Variants in NCALD observed in about 807,000 individuals in gnomAD.
NCALD encodes neurocalcin delta.
A neutral mutation model predicts 18.6 loss-of-function variants in NCALD; 10 were observed. The ratio of observed to expected loss-of-function variants is 0.54; its 90% confidence interval spans 0.33 to 0.91. The LOEUF is 0.91. NCALD is among the 40% of genes least tolerant of loss of function. The pLI is 0.03. For missense variants in NCALD, 184 were observed against 247.6 expected (o/e 0.74, Z 1.72); for synonymous variants, 88 against 87.4 (o/e 1.01, Z -0.04).
At chr8:101,911,340 CTCTTT>C (rs979180371) in intron 3 of NCALD, among the ~76,000 whole-genome samples, 1 of 147,768 alleles carries the variant, frequency 6.8e-6, no homozygotes, top group African/African-American at 2.5e-5. Flanking sequence ...TTATGAATTT[CTCTTT>C]TCTTTTTTTT....
intron 1 of NCALD, among the ~76,000 whole-genome samples, chr8:101,748,131 G>A (rs1343283274): frequency 6.6e-6 from 1 of 152,166 alleles, no homozygotes; most frequent in African/African-American, 2.4e-5. Context: ...TTTCCTTTCA[G>A]AAAATATCCC....
At chr8:101,907,400 G>C (rs1817645212) in intron 3 of NCALD, among the ~76,000 whole-genome samples, 1 of 151,988 alleles carries the variant, frequency 6.6e-6, no homozygotes, top group Admixed American at 6.5e-5. Flanking sequence ...ATACTCTCTA[G>C]AGCCACTTCT....
chr8:102,001,559 C>G (rs539475216), intron 2 of NCALD, among the ~76,000 whole-genome samples: 112 of 152,200 alleles, frequency 7.4e-4, no homozygotes, highest in African/African-American at 2.6e-3. Flanking sequence ...AGAGCAACTC[C>G]AAGACACATA....
At chr8:101,737,129 T>C (rs1809957987) in intron 1 of NCALD, among the ~76,000 whole-genome samples, 1 of 150,294 alleles carries the variant, frequency 6.7e-6, no homozygotes, top group African/African-American at 2.5e-5. Context: ...CAACAGTTCT[T>C]TTTTTTTTAG....
At chr8:102,070,751 C>T (rs1265492703) in intron 1 of NCALD, among the ~76,000 whole-genome samples, 1 of 152,148 alleles carries the variant, frequency 6.6e-6, no homozygotes, top group South Asian at 2.1e-4. Context: ...TTCCTCCTAC[C>T]TTGGGAGTTA....
intron 2 of NCALD, among the ~76,000 whole-genome samples, chr8:101,708,274 G>A (rs538398654): frequency 6.6e-6 from 1 of 152,262 alleles, no homozygotes; most frequent in East Asian, 1.9e-4. Flanking sequence ...TTCCCAGAGG[G>A]GCTGATCTCT....
At chr8:102,036,333 A>G (rs928386291) in intron 1 of NCALD, among the ~76,000 whole-genome samples, 2 of 151,346 alleles carry the variant, frequency 1.3e-5, no homozygotes. Context: ...CTTAATATAT[A>G]TATCACTATA....
chr8:102,106,462 T>TAC (rs1385143094), intron 1 of NCALD, among the ~76,000 whole-genome samples: 8 of 142,512 alleles, frequency 5.6e-5, no homozygotes, highest in East Asian at 2.1e-4. Flanking sequence ...TATATATATA[T>TAC]ATATACACAC....
At chr8:101,704,883 C>G in intron 2 of NCALD, among the ~76,000 whole-genome samples, 1 of 149,824 alleles carries the variant, frequency 6.7e-6, no homozygotes, top group Non-Finnish European at 1.5e-5. Context: ...CGCGCCATTG[C>G]TTTCCAGCCT....
At chr8:101,976,608 T>C (rs563231847) in intron 2 of NCALD, among the ~76,000 whole-genome samples, 6 of 152,352 alleles carry the variant, frequency 3.9e-5, no homozygotes, top group South Asian at 2.1e-4. Flanking sequence ...TAGATTTTAT[T>C]TGAAGCTTTT....
chr8:102,035,516 G>A (rs2132155408), intron 1 of NCALD, among the ~76,000 whole-genome samples: 1 of 152,248 alleles, frequency 6.6e-6, no homozygotes, highest in East Asian at 1.9e-4. Context: ...AGTGTACTAT[G>A]TAGCCAGAGG....
At chr8:101,738,227 C>T (rs1471490716) in intron 1 of NCALD, among the ~76,000 whole-genome samples, 2 of 152,078 alleles carry the variant, frequency 1.3e-5, no homozygotes, top group African/African-American at 4.8e-5. Context: ...AGTATACTCA[C>T]TACAAAGCTG....
chr8:101,858,519 C>G (rs1455452297), intron 4 of NCALD, among the ~76,000 whole-genome samples: 1 of 152,178 alleles, frequency 6.6e-6, no homozygotes, highest in Admixed American at 6.5e-5. Flanking sequence ...TCACAAAAGA[C>G]TGAACCGGAG....
At chr8:101,936,595 C>A (rs1818772847) in intron 2 of NCALD, among the ~76,000 whole-genome samples, 1 of 152,134 alleles carries the variant, frequency 6.6e-6, no homozygotes, top group African/African-American at 2.4e-5. Context: ...AGGTTCTTAA[C>A]CCTATTAGAT....
At chr8:101,700,028 TTTTATTTA>T (rs35567665) in intron 2 of NCALD, among the ~76,000 whole-genome samples, 60 of 149,982 alleles carry the variant, frequency 4.0e-4, no homozygotes, top group Middle Eastern at 3.4e-3. Context: ...TGCTCTCTAT[TTTTATTTA>T]TTTATTTATT....
intron 1 of NCALD, among the ~76,000 whole-genome samples, chr8:101,758,939 C>T (rs58303849): frequency 0.02 from 2,978 of 152,232 alleles, 103 homozygotes; most frequent in East Asian, 0.12. Flanking sequence ...AGCTCTTTTA[C>T]TACAAAGTAC....
intron 1 of NCALD, among the ~76,000 whole-genome samples, chr8:101,737,908 G>T (rs1170026660): frequency 6.6e-6 from 1 of 152,176 alleles, no homozygotes; most frequent in Non-Finnish European, 1.5e-5. Flanking sequence ...CATTGCTTTT[G>T]TCATTTTTAA....
At chr8:101,891,138 A>T in intron 3 of NCALD, among the ~76,000 whole-genome samples, 1 of 150,414 alleles carries the variant, frequency 6.6e-6, no homozygotes, top group South Asian at 2.1e-4. Context: ...CCCATATGTA[A>T]TTTTTTTTTT....
At chr8:102,062,203 T>C (rs910040752) in intron 1 of NCALD, among the ~76,000 whole-genome samples, 1 of 152,180 alleles carries the variant, frequency 6.6e-6, no homozygotes, top group African/African-American at 2.4e-5. Context: ...CAGGAGAGGC[T>C]GAGAGGAGAA....
Sources: allele counts gnomAD v4.1 joint callset (sites outside exome capture counted in the v4.1 genomes callset), GRCh38; gene constraint gnomAD v4.1.1; transcripts MANE v1.5; gene names NCBI Gene and HGNC (gene_info 2026-07-23, HGNC 2026-07-21).